The following ZNF114 variants were observed in gnomAD, a reference collection of about 807,000 sequenced individuals.
ZNF114 encodes zinc finger protein 114.
Under a neutral mutation model 6.8 loss-of-function variants are expected in ZNF114, and 8 were observed. The observed-to-expected ratio is 1.18, with a 90% confidence interval of 0.69 to 2.13. ZNF114 has a LOEUF of 2.13. Ranked by LOEUF, ZNF114 falls within the 30% of genes most tolerant of loss-of-function variation. ZNF114 has a pLI of 0.00. For missense variants in ZNF114, 472 were observed against 519.5 expected, an observed-to-expected ratio of 0.91 and a Z score of 0.89; for synonymous variants, 169 against 185.5, an observed-to-expected ratio of 0.91 and a Z score of 0.72.
At chr19:48,275,597 G>A (rs1357716636) in intron 3 of ZNF114, among the ~76,000 whole-genome samples, 1 of 152,026 alleles carries the variant, frequency 6.6e-6, no homozygotes, top group African/African-American at 2.4e-5. Flanking sequence ...GTGATAGAGC[G>A]AGACCTTGTC....
chr19:48,278,984 G>A (rs1323251082), intron 3 of ZNF114, among the ~76,000 whole-genome samples: 1 of 151,884 alleles, frequency 6.6e-6, no homozygotes, highest in Non-Finnish European at 1.5e-5. Context: ...GCCAGCAGCT[G>A]GGTGAAGGGG....
intron 3 of ZNF114, among the ~76,000 whole-genome samples, chr19:48,277,794 G>GGTGTGTGTGT (rs749201884): frequency 0.11 from 13,382 of 119,202 alleles, 913 homozygotes; most frequent in Middle Eastern, 0.15. Flanking sequence ...GGAGGCATTG[G>GGTGTGTGTGT]GTGTGTGTGT....
Position 48,282,442 on chromosome 19 carries a change from G to C in ZNF114, c.81G>C (p.Gln27His). ...KEEWTLLDPA[Q>H]RNLYRDVMLE... ...AGTGGACCCTGCTGGACCCAGCTCA[G>C]AGGAATCTCTACAGAGACGTGATGC... Residue 27 changes from glutamine to histidine, a missense_variant, in exon 5 of 6, where the codon CAG becomes CAC. By Grantham distance (24) the Gln-to-His change is conservative (BLOSUM62 0). Coordinates refer to ENST00000595607, the MANE Select transcript of ZNF114 (RefSeq NM_153608.4). 6.2e-7 allele frequency: 1 copy of C among 1,613,432 alleles called. No individual in the cohort carries two copies. The highest frequency in any genetic ancestry group is 1.3e-5 in the African/African-American group (1 of 74,978).
chr19:48,284,403 G>A (rs567898799), intron 5 of ZNF114, among the ~76,000 whole-genome samples: 14 of 151,316 alleles, frequency 9.3e-5, no homozygotes, highest in African/African-American at 1.2e-4. Flanking sequence ...TGTTCTTTTT[G>A]TCTTTAAAAA....
intron 5 of ZNF114, 137 bp downstream of exon 5, chr19:48,282,634 G>C: frequency 1.1e-6 from 1 of 905,844 alleles, no homozygotes; most frequent in Non-Finnish European, 1.5e-6. Context: ...GGTAGTAGGT[G>C]TAGGGTTCAC....
chr19:48,272,047 T>C (rs1182371890), intron 3 of ZNF114, among the ~76,000 whole-genome samples: 5 of 152,178 alleles, frequency 3.3e-5, no homozygotes, highest in African/African-American at 1.2e-4. Flanking sequence ...AAAGCGCCTG[T>C]CCCCGGGCTT....
chr19:48,283,351 G>T (rs1471538429), intron 5 of ZNF114, among the ~76,000 whole-genome samples: 2 of 152,138 alleles, frequency 1.3e-5, no homozygotes, highest in Admixed American at 6.6e-5. Flanking sequence ...CACATCATCA[G>T]CTTCAGAACC....
intron 3 of ZNF114, 99 bp from the exon 4 acceptor site, chr19:48,279,632 C>A (rs550440193): frequency 1.3e-6 from 1 of 771,330 alleles, no homozygotes; most frequent in South Asian, 1.6e-5. Context: ...TGTGTGCACA[C>A]GTGCATTTAT....
chr19:48,286,561 T>A lies in ZNF114; in HGVS notation c.937T>A (p.Phe313Ile), dbSNP rs1451589522. 6.2e-7 allele frequency: 1 copy of A among 1,613,726 alleles called. No homozygotes were observed. The highest frequency in any genetic ancestry group is 2.2e-5 in the East Asian group (1 of 44,904). Reference sequence around the variant, plus strand: ...TAAATGCCCCGAATGTGGGAGAGCCTTTTTTTATCAGTCATTCCTTATGAG... The same window carrying A: ...TAAATGCCCCGAATGTGGGAGAGCCATTTTTTATCAGTCATTCCTTATGAG... ...THKCPECGRA[F>I]FYQSFLMRHM... Residue 313 changes from phenylalanine (F) to isoleucine (I), a missense_variant, in exon 6 of 6, where the codon TTT becomes ATT. Coordinates refer to ENST00000595607, the MANE Select transcript of ZNF114 (RefSeq NM_153608.4).
chr19:48,273,525 C>T (rs1485381559), intron 3 of ZNF114, among the ~76,000 whole-genome samples: 1 of 150,468 alleles, frequency 6.6e-6, no homozygotes, highest in African/African-American at 2.4e-5. Context: ...GGACGGAATT[C>T]AGGGAAACTT....
chr19:48,272,936 C>T, intron 3 of ZNF114, among the ~76,000 whole-genome samples: 1 of 151,722 alleles, frequency 6.6e-6, no homozygotes, highest in East Asian at 2.0e-4. Context: ...GCTGGGACTA[C>T]AGGCGCCCGC....
chr19:48,270,816 C>G (rs976164213), intron 1 of ZNF114, among the ~76,000 whole-genome samples: 1 of 151,930 alleles, frequency 6.6e-6, no homozygotes, highest in African/African-American at 2.4e-5. Context: ...CGGTGGCTCA[C>G]GCCTGTAATC....
At chr19:48,282,092 GTTTCACC>G (rs1034618784) in intron 4 of ZNF114, 136 of 269,208 alleles carry the variant, frequency 5.1e-4, no homozygotes, top group South Asian at 4.7e-3. Flanking sequence ...TAGAGACGGG[GTTTCACC>G]ATGCTGGCCA....
chr19:48,278,180 C>G (rs1461707132), intron 3 of ZNF114, among the ~76,000 whole-genome samples: 1 of 152,238 alleles, frequency 6.6e-6, no homozygotes, highest in Non-Finnish European at 1.5e-5. Context: ...AAGTGATCCA[C>G]CTGCCTCGGC....
intron 5 of ZNF114, among the ~76,000 whole-genome samples, 171 bp from the exon 6 acceptor site, chr19:48,285,575 GGAAAGAAAGAGAAAA>G (rs1212685466): frequency 6.7e-6 from 1 of 150,212 alleles, no homozygotes; most frequent in Non-Finnish European, 1.5e-5. Context: ...AGGAAGGAAG[GGAAAGAAAGAGAAAA>G]GAAAGAAAGG....
At chr19:48,284,172 C>T (rs1414750237) in intron 5 of ZNF114, among the ~76,000 whole-genome samples, 1 of 152,158 alleles carries the variant, frequency 6.6e-6, no homozygotes, top group Non-Finnish European at 1.5e-5. Context: ...GATCAGTGAG[C>T]ATAGTCATTT....
At position 48,285,913 on chromosome 19, in the gene ZNF114, G is replaced by A. The variant is rs1365839598; in HGVS notation, c.289G>A (p.Glu97Lys). Residue 97 changes from glutamate to lysine, a missense_variant, in exon 6 of 6, where the codon GAA (glutamate) becomes AAA (lysine). Coordinates refer to ENST00000595607, the MANE Select transcript of ZNF114 (RefSeq NM_153608.4). ...REDWRCPKTE[E>K]PHRQGVNNVK... Reference sequence around the variant, plus strand: ...AGACTGGAGATGCCCCAAAACAGAGGAACCACACAGGCAGGGGGTGAATAA... The same window carrying A: ...AGACTGGAGATGCCCCAAAACAGAGAAACCACACAGGCAGGGGGTGAATAA... 2 of 1,613,988 alleles carry A rather than the reference G, an allele frequency of 1.2e-6. No individual in the cohort carries two copies. The highest frequency in any genetic ancestry group is 1.7e-6 in the Non-Finnish European group (2 of 1,180,042).
intron 5 of ZNF114, among the ~76,000 whole-genome samples, chr19:48,284,413 A>G (rs1004054168): frequency 1.3e-5 from 2 of 151,196 alleles, no homozygotes; most frequent in African/African-American, 4.9e-5. Context: ...GTCTTTAAAA[A>G]CAATTTTTTT....
Position 48,282,435 on chromosome 19 carries a change from C to G in ZNF114, c.74C>G (p.Pro25Arg). Reference protein sequence around the residue: ...FTKEEWTLLDPAQRNLYRDVM... With the variant: ...FTKEEWTLLDRAQRNLYRDVM... Reference sequence around the variant, plus strand: ...AAAGAGGAGTGGACCCTGCTGGACCCAGCTCAGAGGAATCTCTACAGAGAC... The same window carrying G: ...AAAGAGGAGTGGACCCTGCTGGACCGAGCTCAGAGGAATCTCTACAGAGAC... The change falls in exon 5 of 6, where the codon CCA becomes CGA. Residue 25 changes from proline (P) to arginine (R), a missense_variant. Physicochemically the swap from Pro to Arg is moderately radical, Grantham distance 103. Coordinates refer to ENST00000595607, the MANE Select transcript of ZNF114 (RefSeq NM_153608.4). 6.2e-7 allele frequency: 1 copy of G among 1,613,480 alleles called. No individual in the cohort carries two copies. The highest frequency in any genetic ancestry group is 8.5e-7 in the Non-Finnish European group (1 of 1,179,674).
Sources: allele counts gnomAD v4.1 joint callset (sites outside exome capture counted in the v4.1 genomes callset), GRCh38; gene constraint gnomAD v4.1.1; transcripts MANE v1.5; gene names NCBI Gene and HGNC (gene_info 2026-07-23, HGNC 2026-07-21).